INTS4: variants seen among roughly 807,000 people sequenced by gnomAD.
INTS4 encodes MSTP093.
A neutral mutation model predicts 119.5 loss-of-function variants in INTS4; 70 were observed. The observed-to-expected ratio is 0.59, with a 90% CI of 0.48 to 0.71. The LOEUF (loss-of-function observed/expected upper bound fraction) is 0.71, where lower values mean the gene tolerates loss of function less well. Among genes scored for constraint, INTS4 ranks in the 30% least tolerant of loss-of-function variants. INTS4 has a pLI of 0.00. For synonymous variants in INTS4, 316 were observed against 419.6 expected, an observed-to-expected ratio of 0.75 and a Z score of 3.02; for missense variants, 867 against 1,173.2, an observed-to-expected ratio of 0.74 and a Z score of 3.81.
intron 14 of INTS4, among the ~76,000 whole-genome samples, chr11:77,920,831 G>A (rs1247791536): frequency 6.6e-6 from 1 of 151,864 alleles, no homozygotes; most frequent in African/African-American, 2.4e-5. Flanking sequence ...CAGCCTGGGC[G>A]ACAGAGCAAG....
At chr11:77,876,215 C>T (rs949762623), downstream of INTS4, among the ~76,000 whole-genome samples, 2 of 152,096 alleles carry the variant, frequency 1.3e-5, no homozygotes, top group Non-Finnish European at 2.9e-5. Flanking sequence ...CTGCTGGGTG[C>T]ATGCTAGACC....
chr11:77,940,048 A>C (rs1369086192), intron 9 of INTS4, among the ~76,000 whole-genome samples: 1 of 152,116 alleles, frequency 6.6e-6, no homozygotes, highest in Admixed American at 6.6e-5. Context: ...CTAACAATGA[A>C]TGTACATATT....
intron 10 of INTS4, among the ~76,000 whole-genome samples, chr11:77,934,810 T>C (rs2136511926): frequency 6.6e-6 from 1 of 152,312 alleles, no homozygotes; most frequent in South Asian, 2.1e-4. Context: ...CAGAGGTAGA[T>C]TTACTTTCTA....
At chr11:77,876,299 T>C (rs1054175158), downstream of INTS4, among the ~76,000 whole-genome samples, 1 of 152,128 alleles carries the variant, frequency 6.6e-6, no homozygotes, top group Non-Finnish European at 1.5e-5. Flanking sequence ...CAGGCTTAGC[T>C]TCACCACTAA....
rs775497743 is a variant in INTS4 at position 77,907,729 on chromosome 11, T to C, written c.2004A>G (p.Leu668=). The change falls in exon 16 of 23, where the codon CTA becomes CTG. Residue 668 remains leucine, a synonymous_variant. Coordinates refer to ENST00000534064, the MANE Select transcript of INTS4 (RefSeq NM_033547.4). The stretch of plus-strand genomic sequence containing the variant: ...GATGCAAACCAACCTTGATGAGAAG[T>C]AGTTGACAGCGAAGATAGGTGGCAG... ...DFSATYLRCQ[L]LLIKALQEKL... 2 of 1,612,734 alleles carry C rather than the reference T, an allele frequency of 1.2e-6. No individual in the cohort carries two copies. The highest frequency in any genetic ancestry group is 2.2e-5 in the East Asian group (1 of 44,844).
intron 4 of INTS4, among the ~76,000 whole-genome samples, chr11:77,977,699 T>C (rs1170213525): frequency 2.7e-5 from 4 of 150,470 alleles, no homozygotes; most frequent in Non-Finnish European, 4.4e-5. Flanking sequence ...GTATATAATA[T>C]AAAATCTTAT....
chr11:77,987,577 T>C, intron 2 of INTS4: 1 of 438,176 alleles, frequency 2.3e-6, no homozygotes, highest in Admixed American at 2.5e-5. Context: ...ACAGAAATCC[T>C]GATTTTGGTC....
intron 15 of INTS4, among the ~76,000 whole-genome samples, chr11:77,908,293 T>C (rs570169362): frequency 2.0e-5 from 3 of 152,026 alleles, no homozygotes; most frequent in Admixed American, 1.3e-4. Flanking sequence ...GTTTGTTACA[T>C]AGGTATACAC....
chr11:77,932,003 G>A (rs1205029039), intron 10 of INTS4, among the ~76,000 whole-genome samples: 1 of 152,134 alleles, frequency 6.6e-6, no homozygotes, highest in African/African-American at 2.4e-5. Context: ...GAAAATCTAG[G>A]CAATACCATT....
chr11:77,888,229 T>C (rs975347461), intron 21 of INTS4, among the ~76,000 whole-genome samples: 1 of 152,134 alleles, frequency 6.6e-6, no homozygotes, highest in African/African-American at 2.4e-5. Context: ...AACAGAGATA[T>C]AGATCAATGG....
intron 22 of INTS4, among the ~76,000 whole-genome samples, chr11:77,881,415 A>C (rs561307393): frequency 5.6e-4 from 85 of 152,326 alleles, no homozygotes; most frequent in African/African-American, 1.9e-3. Flanking sequence ...TAGGAGAAAG[A>C]AACTGCAAGC....
chr11:77,889,954 T>TA (rs540698598), intron 21 of INTS4, among the ~76,000 whole-genome samples: 125 of 152,334 alleles, frequency 8.2e-4, no homozygotes, highest in African/African-American at 2.8e-3. Flanking sequence ...AGGGACAATG[T>TA]AAAACAGTAG....
chr11:77,876,432 T>C (rs1342817922), downstream of INTS4, among the ~76,000 whole-genome samples: 1 of 151,132 alleles, frequency 6.6e-6, no homozygotes, highest in African/African-American at 2.4e-5. Flanking sequence ...AGTGAAAAAG[T>C]ACAGAATCAG....
intron 10 of INTS4, among the ~76,000 whole-genome samples, chr11:77,937,001 C>T (rs1953810817): frequency 6.6e-6 from 1 of 151,978 alleles, no homozygotes; most frequent in East Asian, 1.9e-4. Flanking sequence ...ATGGCAAAAC[C>T]CCGTCTCTAC....
intron 2 of INTS4, among the ~76,000 whole-genome samples, chr11:77,985,215 T>C (rs1856411351): frequency 6.6e-6 from 1 of 152,152 alleles, no homozygotes. Context: ...TCCTTTATCC[T>C]CCATACTTCC....
In INTS4 at chr11:77,913,413, A is replaced by G. The variant is rs1398466086; in HGVS notation, c.1922+5408T>C. ...CACAAGTTCTGCCTCCCAGGTTCGC[A>G]CCATTCTCCTGCCTCAGCCTCCCGA... On this transcript the variant is annotated intron_variant, in intron 15 of 22. Coordinates refer to ENST00000534064, the MANE Select transcript of INTS4 (RefSeq NM_033547.4). Among the ~76,000 whole-genome samples, 3 of 145,996 alleles carry G rather than the reference A, an allele frequency of 2.1e-5. No individual in the cohort carries two copies. The East Asian group carries it at 6.1e-4, about 30-fold the overall frequency.
At position 77,978,808 on chromosome 11, in the gene INTS4, G is replaced by C. The variant is rs142614492; in HGVS notation, c.471+188C>G. 1,165 of 420,516 alleles carry C rather than the reference G, an allele frequency of 2.8e-3. 7 individuals carry two copies. Among genetic ancestry groups the C allele is most frequent in the Non-Finnish European group, 2.7e-3 (610 of 223,952 alleles). The allele number at this position is 420,516 out of a possible 1,614,324, so 26.0% of individuals were successfully genotyped here. A position where few individuals can be genotyped will look rare whatever the true frequency, so the allele number is the denominator to read the frequency against. ...TAGGCACAATATACACAGTAACTAT[G>C]TACTGTAATTATTTTCATTTGTTTT... is the stretch of plus-strand genomic sequence containing the variant. On this transcript the variant is annotated intron_variant, in intron 4 of 22. Transcript: ENST00000534064.
intron 15 of INTS4, 111 bp downstream of exon 15, chr11:77,918,710 G>A: frequency 6.9e-7 from 1 of 1,459,350 alleles, no homozygotes; most frequent in Non-Finnish European, 9.2e-7. Context: ...GTGTGTGAAT[G>A]TAGACCAATA....
At chr11:77,887,717 A>C (rs187348452) in intron 21 of INTS4, among the ~76,000 whole-genome samples, 21,387 of 152,148 alleles carry the variant, frequency 0.14, 1,675 homozygotes, top group Admixed American at 0.2. Flanking sequence ...AAGCAACTTC[A>C]GCAAAGTCTC....
Sources: gnomAD v4.1 joint callset for allele counts (sites outside exome capture counted in the v4.1 genomes callset) on GRCh38, gnomAD v4.1.1 for gene constraint, MANE v1.5 for transcripts, NCBI Gene and HGNC (gene_info 2026-07-23, HGNC 2026-07-21) for gene names.